HS2ST1: variants seen among roughly 807,000 people sequenced by gnomAD.
HS2ST1 encodes 2-O-sulfotransferase.
HS2ST1 carries 18 observed loss-of-function variants against 42.9 expected under a neutral mutation model. That is an observed-to-expected ratio of 0.42 (90% CI 0.29 to 0.62). The LOEUF is 0.62. Ranked by LOEUF, HS2ST1 falls within the 20% of genes least tolerant of loss-of-function variation. The pLI is 0.21. For missense variants in HS2ST1, 334 were observed against 433.8 expected (o/e 0.77, Z 2.04); for synonymous variants, 146 against 152.9 (o/e 0.95, Z 0.33).
At chr1:87,045,453 T>TACGAGACAAGGTA in intron 1 of HS2ST1, 1 of 1,203,646 alleles carries the variant, frequency 8.3e-7, no homozygotes, top group Non-Finnish European at 1.2e-6. Flanking sequence ...TTCACTACCT[T>TACGAGACAAGGTA]GTCTCGTAAG....
intron 1 of HS2ST1, among the ~76,000 whole-genome samples, chr1:87,015,538 G>C (rs894776045): frequency 2.0e-5 from 3 of 151,308 alleles, no homozygotes; most frequent in Admixed American, 2.0e-4. Flanking sequence ...TGGAGACAGG[G>C]TTTCACCGTG....
intron 1 of HS2ST1, among the ~76,000 whole-genome samples, chr1:87,039,509 T>A (rs1650468643): frequency 6.6e-6 from 1 of 152,222 alleles, no homozygotes; most frequent in Non-Finnish European, 1.5e-5. Context: ...CACATCCATC[T>A]CTGAATGCAG....
At chr1:87,008,216 T>C (rs150426870) in intron 1 of HS2ST1, among the ~76,000 whole-genome samples, 56 of 152,288 alleles carry the variant, frequency 3.7e-4, no homozygotes, top group African/African-American at 1.3e-3. Context: ...CCTGAAATTA[T>C]ATTGAGATAT....
At chr1:87,068,241 T>G (rs1193873852) in intron 1 of HS2ST1, among the ~76,000 whole-genome samples, 1 of 152,218 alleles carries the variant, frequency 6.6e-6, no homozygotes, top group Non-Finnish European at 1.5e-5. Flanking sequence ...TCTTATTACC[T>G]TGAGCAAAGT....
chr1:86,923,880 T>C (rs1332841664), intron 1 of HS2ST1, among the ~76,000 whole-genome samples: 1 of 152,038 alleles, frequency 6.6e-6, no homozygotes, highest in Non-Finnish European at 1.5e-5. Flanking sequence ...CCCTGGCCCC[T>C]CCCAAATCTC....
chr1:86,975,130 AAATTT>A (rs1256686497), intron 1 of HS2ST1, among the ~76,000 whole-genome samples: 3 of 152,134 alleles, frequency 2.0e-5, no homozygotes, highest in Non-Finnish European at 2.9e-5. Context: ...CATGAACCTT[AAATTT>A]AATTTATTCT....
intron 1 of HS2ST1, among the ~76,000 whole-genome samples, chr1:86,952,934 C>CGAAGGCAGGCATTGACTTCTCTATA (rs1647567746): frequency 1.3e-5 from 2 of 152,070 alleles, no homozygotes; most frequent in Non-Finnish European, 2.9e-5. Context: ...GCTTGTTCTT[C>CGAAGGCAGGCATTGACTTCTCTATA]GAAGGCAGGC....
intron 1 of HS2ST1, among the ~76,000 whole-genome samples, chr1:87,001,298 CG>C (rs1365164794): frequency 6.6e-6 from 1 of 152,084 alleles, no homozygotes; most frequent in Admixed American, 6.5e-5. Context: ...ATGTAATCTT[CG>C]GGTTAAATTT....
chr1:87,019,227 T>C (rs1252634921), intron 1 of HS2ST1, among the ~76,000 whole-genome samples: 1 of 152,226 alleles, frequency 6.6e-6, no homozygotes, highest in African/African-American at 2.4e-5. Context: ...TTAATTTCCT[T>C]AGTAATTTTA....
At chr1:87,084,814 C>G (rs775798668) in intron 3 of HS2ST1, among the ~76,000 whole-genome samples, 1 of 150,652 alleles carries the variant, frequency 6.6e-6, no homozygotes, top group African/African-American at 2.5e-5. Context: ...CTCTCCTTCT[C>G]TCTTGCTCTC....
intron 4 of HS2ST1, among the ~76,000 whole-genome samples, 162 bp downstream of exon 4, chr1:87,092,831 A>G (rs1382974741): frequency 6.6e-6 from 1 of 152,064 alleles, no homozygotes. Context: ...AGAAAATTAT[A>G]TAGCTGATAT....
At chr1:87,089,449 C>T (rs1034291702) in intron 3 of HS2ST1, among the ~76,000 whole-genome samples, 1 of 151,956 alleles carries the variant, frequency 6.6e-6, no homozygotes, top group Non-Finnish European at 1.5e-5. Context: ...TATTCTTCTA[C>T]CTGAGCTTTG....
At chr1:86,962,739 G>A (rs1223408804) in intron 1 of HS2ST1, among the ~76,000 whole-genome samples, 2 of 152,126 alleles carry the variant, frequency 1.3e-5, no homozygotes, top group Non-Finnish European at 2.9e-5. Flanking sequence ...TGAAAAGAGA[G>A]GCTAGTCTGT....
intron 1 of HS2ST1, among the ~76,000 whole-genome samples, chr1:87,023,248 C>T (rs1649996801): frequency 6.6e-6 from 1 of 151,810 alleles, no homozygotes. Context: ...CTCTAGTTAT[C>T]CTAAAGATAA....
intron 1 of HS2ST1, among the ~76,000 whole-genome samples, chr1:87,035,657 A>G (rs1462591376): frequency 6.6e-6 from 1 of 152,202 alleles, no homozygotes; most frequent in Non-Finnish European, 1.5e-5. Flanking sequence ...TACATTCCAC[A>G]ATAACCTTGC....
Position 87,072,969 on chromosome 1 carries a change from G to C in HS2ST1, c.160G>C (p.Glu54Gln), listed in dbSNP as rs761491625. The change falls in exon 2 of 7, where the codon GAG becomes CAG. Residue 54 changes from glutamate to glutamine, a missense_variant. By Grantham distance (29) the Glu-to-Gln change is conservative. Coordinates refer to ENST00000370550, the MANE Select transcript of HS2ST1 (RefSeq NM_012262.4). Reference protein sequence around the residue: ...AIARHEVREIEQRHTMDGPRQ... With the variant: ...AIARHEVREIQQRHTMDGPRQ... ...TGCAAGACACGAAGTCCGAGAAATT[G>C]AGCAGCGACATACAATGGATGGCCC... 6.2e-6 allele frequency: 10 copies of C among 1,613,890 alleles called. No homozygotes were observed. Among genetic ancestry groups the C allele is most frequent in the Non-Finnish European group, 6.8e-6 (8 of 1,179,976 alleles).
chr1:87,096,503 A>G (rs1443645764), intron 4 of HS2ST1, among the ~76,000 whole-genome samples: 1 of 152,216 alleles, frequency 6.6e-6, no homozygotes, highest in Non-Finnish European at 1.5e-5. Context: ...GGCAGATACA[A>G]GTTTTCCAAA....
rs530318689 is a variant in HS2ST1 at position 87,025,349 on chromosome 1, A to G, written c.125-47585A>G. ...TTGCTTGTAGGACACCTACAGCAAT[A>G]TCAAGTAAACAGGGAACACATTTGT... On this transcript the variant is annotated intron_variant, in intron 1 of 6. Coordinates refer to ENST00000370550, the MANE Select transcript of HS2ST1 (RefSeq NM_012262.4). Among the ~76,000 whole-genome samples, 3 of 152,370 alleles carry G rather than the reference A, an allele frequency of 2.0e-5. No homozygotes were observed. In the South Asian group the frequency reaches 6.2e-4, roughly 32 times the overall value.
At chr1:86,955,177 G>A (rs1485541479) in intron 1 of HS2ST1, among the ~76,000 whole-genome samples, 1 of 152,152 alleles carries the variant, frequency 6.6e-6, no homozygotes, top group Non-Finnish European at 1.5e-5. Flanking sequence ...ATTTCTTAGA[G>A]GAGATTAAAC....
Sources: gnomAD v4.1 joint callset for allele counts (sites outside exome capture counted in the v4.1 genomes callset) on GRCh38, gnomAD v4.1.1 for gene constraint, MANE v1.5 for transcripts, NCBI Gene and HGNC (gene_info 2026-07-23, HGNC 2026-07-21) for gene names.